Variants in DLC1 observed in about 807,000 individuals in gnomAD.
DLC1 encodes rho GTPase-activating protein 7.
DLC1 carries 54 observed loss-of-function variants against 140.3 expected under a neutral mutation model. The ratio of observed to expected loss-of-function variants is 0.38; its 90% confidence interval spans 0.31 to 0.48. The LOEUF is 0.48. DLC1 is among the 20% of genes least tolerant of loss of function. DLC1 has a pLI of 0.96. For synonymous variants in DLC1, 986 were observed against 728.1 expected (o/e 1.35, Z -5.70); for missense variants, 2,536 against 1,907.0 (o/e 1.33, Z -6.14).
At chr8:13,517,846 C>T (rs1802640482), upstream of DLC1, among the ~76,000 whole-genome samples, 1 of 152,202 alleles carries the variant, frequency 6.6e-6, no homozygotes, top group African/African-American at 2.4e-5. Flanking sequence ...GCTTCCATAA[C>T]TAAGAATTGT....
intron 4 of DLC1, among the ~76,000 whole-genome samples, chr8:13,326,850 G>A (rs1413880713): frequency 6.6e-6 from 1 of 152,206 alleles, no homozygotes. Flanking sequence ...CGAGCTAGGA[G>A]AACATGCTGG....
intron 3 of DLC1, among the ~76,000 whole-genome samples, chr8:13,396,807 T>C (rs1037829813): frequency 6.6e-6 from 1 of 152,174 alleles, no homozygotes; most frequent in Admixed American, 6.6e-5. Context: ...TTTGAGAAAT[T>C]ACCCAAAAGC....
At chr8:13,493,443 T>C (rs1801355656) in intron 2 of DLC1, among the ~76,000 whole-genome samples, 1 of 152,184 alleles carries the variant, frequency 6.6e-6, no homozygotes, top group South Asian at 2.1e-4. Flanking sequence ...TAAACATTGT[T>C]TATAATCTTA....
chr8:13,098,065 C>T (rs1323194359), intron 10 of DLC1, among the ~76,000 whole-genome samples: 5 of 145,972 alleles, frequency 3.4e-5, no homozygotes, highest in Admixed American at 6.9e-5. Context: ...AAAAGCTAGC[C>T]GGGTGTGGTG....
intron 2 of DLC1, among the ~76,000 whole-genome samples, chr8:13,434,577 C>T (rs188121611): frequency 6.6e-6 from 1 of 152,238 alleles, no homozygotes; most frequent in African/African-American, 2.4e-5. Flanking sequence ...TAAGTGTTGG[C>T]AAGGTGACTT....
chr8:13,203,289 C>T (rs550421714), intron 5 of DLC1, among the ~76,000 whole-genome samples: 1 of 152,154 alleles, frequency 6.6e-6, no homozygotes, highest in African/African-American at 2.4e-5. Context: ...TTTTAACAAA[C>T]GTTTATTTGA....
intron 6 of DLC1, among the ~76,000 whole-genome samples, chr8:13,114,834 A>C (rs1206523384): frequency 6.6e-6 from 1 of 152,222 alleles, no homozygotes; most frequent in Non-Finnish European, 1.5e-5. Flanking sequence ...GGCAAAAATT[A>C]AAGTCTGACA....
At chr8:13,215,484 G>C (rs1242278143) in intron 5 of DLC1, among the ~76,000 whole-genome samples, 1 of 152,124 alleles carries the variant, frequency 6.6e-6, no homozygotes, top group Non-Finnish European at 1.5e-5. Flanking sequence ...TACTTGGGAG[G>C]CTGAGGCAGC....
intron 5 of DLC1, among the ~76,000 whole-genome samples, chr8:13,176,051 A>G (rs1188639362): frequency 2.0e-5 from 3 of 152,122 alleles, no homozygotes; most frequent in Non-Finnish European, 4.4e-5. Flanking sequence ...ACTGCCTAGG[A>G]TCTTTATTAA....
chr8:13,240,869 C>T (rs960606859), intron 5 of DLC1, among the ~76,000 whole-genome samples: 1 of 152,036 alleles, frequency 6.6e-6, no homozygotes, highest in Non-Finnish European at 1.5e-5. Flanking sequence ...ATGTATAAAA[C>T]CTGAGCCTTT....
At chr8:13,547,281 C>A (rs530225962) in intron 1 of DLC1, among the ~76,000 whole-genome samples, 23 of 152,056 alleles carry the variant, frequency 1.5e-4, no homozygotes, top group Non-Finnish European at 2.2e-4. Context: ...ATTTTCATAG[C>A]TTTTTGCATA....
chr8:13,410,399 A>G (rs1033602370), intron 2 of DLC1, among the ~76,000 whole-genome samples: 1 of 152,122 alleles, frequency 6.6e-6, no homozygotes, highest in Admixed American at 6.6e-5. Context: ...AACAACAACA[A>G]CAAAACAGAG....
rs372534468 is a variant in DLC1 at position 13,393,712 on chromosome 8, A to T, written c.1174-19T>A. 10 of 1,608,324 alleles carry T rather than the reference A, an allele frequency of 6.2e-6. No homozygotes were observed. In the African/African-American group the frequency reaches 1.1e-4, roughly 17 times the overall value. On this transcript the variant is annotated intron_variant, in intron 3 of 17. Transcript: ENST00000276297. Reference sequence around the variant, plus strand: ...CCAGATCCTATTAAAAAACAAATGCACTGGTATGAAGGACATGTGAATGTT... The same window carrying T: ...CCAGATCCTATTAAAAAACAAATGCTCTGGTATGAAGGACATGTGAATGTT...
At chr8:13,110,624 T>C (rs1820008952) in intron 7 of DLC1, 118 bp downstream of exon 7, 1 of 921,732 alleles carries the variant, frequency 1.1e-6, no homozygotes, top group Admixed American at 2.2e-5. Flanking sequence ...ACTCTATGGT[T>C]TGCCAATAAA....
At chr8:13,287,474 G>A (rs1201286975) in intron 5 of DLC1, among the ~76,000 whole-genome samples, 1 of 152,156 alleles carries the variant, frequency 6.6e-6, no homozygotes, top group Non-Finnish European at 1.5e-5. Flanking sequence ...ACCCTGCTCT[G>A]AAGTATAAGT....
chr8:13,205,175 A>C (rs1234742410), intron 5 of DLC1, among the ~76,000 whole-genome samples: 6 of 152,232 alleles, frequency 3.9e-5, no homozygotes, highest in Non-Finnish European at 8.8e-5. Flanking sequence ...TCTGCAGAAC[A>C]GACTAATAAA....
intron 5 of DLC1, among the ~76,000 whole-genome samples, chr8:13,149,188 C>T (rs938060199): frequency 6.6e-6 from 1 of 152,196 alleles, no homozygotes; most frequent in African/African-American, 2.4e-5. Context: ...GAGAGCTTAA[C>T]TCAAGTAAAC....
rs535092622 is a variant in DLC1 at position 13,345,547 on chromosome 8, CTTTTTTTTTTT to C, written c.1315-40256_1315-40246del. 5.9e-5 allele frequency among the ~76,000 whole-genome samples: 4 copies of C among 67,520 alleles called. 1 individual carries two copies. The highest frequency in any genetic ancestry group is 2.5e-4 in the African/African-American group (4 of 16,300). The allele number at this position is 67,520 out of a possible 152,430, so 44.3% of individuals were successfully genotyped here. On this transcript the variant is annotated intron_variant, in intron 4 of 17. Coordinates refer to ENST00000276297, the MANE Select transcript of DLC1 (RefSeq NM_182643.3). ...GATTATCTGAAATTTTTCACTCACA[CTTTTTTTTTTT>C]TTTTTTTTTTTTGGAGATGGAGTCT...
intron 1 of DLC1, among the ~76,000 whole-genome samples, chr8:13,557,224 T>G (rs1041223960): frequency 6.6e-6 from 1 of 152,134 alleles, no homozygotes; most frequent in African/African-American, 2.4e-5. Flanking sequence ...CTTTTTTTTT[T>G]ATTCGTACTC....
Sources: gnomAD v4.1 joint callset for allele counts (sites outside exome capture counted in the v4.1 genomes callset) on GRCh38, gnomAD v4.1.1 for gene constraint, MANE v1.5 for transcripts, NCBI Gene and HGNC (gene_info 2026-07-23, HGNC 2026-07-21) for gene names.